The following MAPK12 variants were observed in gnomAD, a reference collection of about 807,000 sequenced individuals.
The protein encoded by MAPK12 is mitogen-activated protein kinase 12.
A neutral mutation model predicts 49.1 loss-of-function variants in MAPK12; 49 were observed. That is an observed-to-expected ratio of 1.00 (90% confidence interval 0.79 to 1.27). The LOEUF (loss-of-function observed/expected upper bound fraction) is 1.27. Ranked by LOEUF, MAPK12 falls within the 50% of genes most tolerant of loss-of-function variation. The probability of loss-of-function intolerance (pLI) is 0.00; values close to 1 mark genes in which losing one functional copy is unlikely to be tolerated. For missense variants in MAPK12, 554 were observed against 502.4 expected, an observed-to-expected ratio of 1.10 and a Z score of -0.98; for synonymous variants, 251 against 209.7, an observed-to-expected ratio of 1.20 and a Z score of -1.70.
intron 3 of MAPK12, 156 bp downstream of exon 3, chr22:50,258,087 G>T: frequency 1.3e-6 from 1 of 745,628 alleles, no homozygotes; most frequent in Admixed American, 2.0e-5. Context: ...GGGGGAGGGC[G>T]TGGGGTGGAC....
At chr22:50,255,787 G>A in intron 8 of MAPK12, 23 bp downstream of exon 8, 1 of 1,612,250 alleles carries the variant, frequency 6.2e-7, no homozygotes, top group Non-Finnish European at 8.5e-7. Flanking sequence ...CGCCCCTGGT[G>A]CCGCCCTGCG....
intron 2 of MAPK12, among the ~76,000 whole-genome samples, chr22:50,259,783 C>T (rs1465904516): frequency 2.6e-5 from 4 of 151,870 alleles, no homozygotes; most frequent in Non-Finnish European, 5.9e-5. Flanking sequence ...ACTGAGGAGG[C>T]TGAAGCAGGA....
At chr22:50,258,027 G>C (rs2065169130) in intron 3 of MAPK12, 1 of 728,348 alleles carries the variant, frequency 1.4e-6, no homozygotes, top group Admixed American at 2.0e-5. Flanking sequence ...AGAGGCAGCA[G>C]CCCCAGCTCT....
At chr22:50,257,230 C>A in intron 3 of MAPK12, 37 bp from the exon 4 acceptor site, 2 of 1,539,662 alleles carry the variant, frequency 1.3e-6, no homozygotes, top group Non-Finnish European at 8.9e-7. Flanking sequence ...GCGGACAGAG[C>A]CAGCCTCTGC....
chr22:50,255,138 C>A (rs1357615132), intron 11 of MAPK12, 59 bp downstream of exon 11: 3 of 1,600,970 alleles, frequency 1.9e-6, no homozygotes. Flanking sequence ...TCCACACAGG[C>A]CCTGCCCAGA....
At chr22:50,255,954 C>A in intron 7 of MAPK12, 73 bp from the exon 8 acceptor site, 1 of 1,526,208 alleles carries the variant, frequency 6.6e-7, no homozygotes, top group Non-Finnish European at 9.0e-7. Context: ...GACACCAACA[C>A]AGCCCACCTG....
chr22:50,257,418 C>G, intron 3 of MAPK12: 1 of 580,134 alleles, frequency 1.7e-6, no homozygotes, highest in Admixed American at 2.9e-5. Flanking sequence ...GCTCACACCC[C>G]CCTCCCACCC....
chr22:50,256,014 G>T lies in MAPK12; in HGVS notation c.619+71C>A. On this transcript the variant is annotated intron_variant, in intron 7 of 11. Transcript: ENST00000215659. Reference sequence around the variant, plus strand: ...GCCTCCCTGGGAGCAGCCACCACAGGGCTGTCCGTGAAGAAGTGGAGAAGC... The same window carrying T: ...GCCTCCCTGGGAGCAGCCACCACAGTGCTGTCCGTGAAGAAGTGGAGAAGC... The T allele has an allele frequency of 2.0e-6, 3 of 1,529,038 alleles. 1 individual carries two copies. In the South Asian group the frequency reaches 3.5e-5, roughly 18 times the overall value. The allele number at this position is 1,529,038 out of a possible 1,614,324, so 94.7% of individuals were successfully genotyped here.
chr22:50,259,240 A>C (rs2065184201), intron 2 of MAPK12, among the ~76,000 whole-genome samples: 1 of 152,162 alleles, frequency 6.6e-6, no homozygotes, highest in African/African-American at 2.4e-5. Flanking sequence ...GAGAGGGAAC[A>C]GAGGGGGTGT....
At chr22:50,256,567 C>CA (rs772331104) in intron 6 of MAPK12, 32 bp downstream of exon 6, 1 of 1,602,118 alleles carries the variant, frequency 6.2e-7, no homozygotes, top group Non-Finnish European at 8.5e-7. Context: ...GCCCCTGCCC[C>CA]ACCTCAGGGC....
Position 50,253,264 on chromosome 22 carries a change from G to C in MAPK12, c.*137C>G. 1 of 724,856 alleles carries C rather than the reference G, an allele frequency of 1.4e-6. No individual in the cohort carries two copies. The highest frequency in any genetic ancestry group is 1.5e-5 in the South Asian group (1 of 66,904). The allele number at this position is 724,856 out of a possible 1,614,324, so 44.9% of individuals were successfully genotyped here. On this transcript the variant is annotated 3_prime_UTR_variant, in exon 12 of 12. Coordinates refer to ENST00000215659, the MANE Select transcript of MAPK12 (RefSeq NM_002969.6). ...CAGAGGCATGGCCGTGGGGAGGAGG[G>C]TCCATGGAACCCGGGCGTCTGCTCT...
chr22:50,261,148 G>C lies in MAPK12; in HGVS notation c.255+19C>G, dbSNP rs746305080. On this transcript the variant is annotated intron_variant, in intron 2 of 11. Transcript: ENST00000215659. ...GCCGAGGCCGCGGCGCCTTCCCGGA[G>C]CGGGGCCGCGCGACTCACGTTCTCG... The C allele has an allele frequency of 1.3e-6, 2 of 1,569,150 alleles. No individual in the cohort carries two copies. Among genetic ancestry groups the C allele is most frequent in the East Asian group, 2.4e-5 (1 of 40,980 alleles).
chr22:50,260,030 G>A (rs1199337245), intron 2 of MAPK12, among the ~76,000 whole-genome samples: 2 of 146,982 alleles, frequency 1.4e-5, no homozygotes, highest in South Asian at 4.5e-4. Context: ...GGGTGGTGGG[G>A]GGGTGCGGTG....
intron 11 of MAPK12, chr22:50,254,073 G>A (rs2065124469): frequency 6.5e-6 from 1 of 154,960 alleles, no homozygotes; most frequent in African/African-American, 2.4e-5. Context: ...CAGCCATGAA[G>A]AAGACACAGC....
rs774158025 is a variant in MAPK12, at chr22:50,255,870, A to T, written c.631T>A (p.Ser211Thr). The change falls in exon 8 of 12, where the codon TCT becomes ACT. Residue 211 changes from serine (S) to threonine (T), a missense_variant. Physicochemically the swap from Ser to Thr is moderately conservative, Grantham distance 58. Transcript: ENST00000215659. Reference sequence around the variant, plus strand: ...ATCTCCGCCATGATGCAGCCCACAGACCAGATGTCCACTGAGATAGAAGCC... The same window carrying T: ...ATCTCCGCCATGATGCAGCCCACAGTCCAGATGTCCACTGAGATAGAAGCC... ...MRYTQTVDIW[S>T]VGCIMAEMIT... is the part of the protein sequence containing the mutation. 1.2e-6 allele frequency: 2 copies of T among 1,612,622 alleles called. No homozygotes were observed. The highest frequency in any genetic ancestry group is 1.7e-6 in the Non-Finnish European group (2 of 1,179,920).
chr22:50,260,966 G>A (rs530033315), intron 2 of MAPK12: 18 of 535,504 alleles, frequency 3.4e-5, no homozygotes, highest in African/African-American at 2.8e-4. Flanking sequence ...GCTGGCGGAG[G>A]ATGGGGAACG....
At chr22:50,255,578 G>GCGC in intron 9 of MAPK12, 37 bp downstream of exon 9, 37 of 1,581,478 alleles carry the variant, frequency 2.3e-5, no homozygotes, top group Non-Finnish European at 2.8e-5. Flanking sequence ...GCCCAGGTCC[G>GCGC]CCCCCACCCC....
chr22:50,253,517 G>T (rs1327427235), intron 11 of MAPK12, 37 bp from the exon 12 acceptor site: 3 of 950,276 alleles, frequency 3.2e-6, no homozygotes, highest in Middle Eastern at 2.9e-4. Context: ...ACAGAGAGGG[G>T]GGTCAGCCTT....
chr22:50,254,571 G>A (rs547078235), intron 11 of MAPK12: 98 of 840,184 alleles, frequency 1.2e-4, no homozygotes, highest in Non-Finnish European at 1.3e-4. Flanking sequence ...AGAACGGTGT[G>A]TACCCGGGAG....
Sources: gnomAD v4.1 joint callset for allele counts (sites outside exome capture counted in the v4.1 genomes callset) on GRCh38, gnomAD v4.1.1 for gene constraint, MANE v1.5 for transcripts, NCBI Gene and HGNC (gene_info 2026-07-23, HGNC 2026-07-21) for gene names.